R3HCC1L: variants seen among roughly 807,000 people sequenced by gnomAD.
R3HCC1L encodes the protein coiled-coil domain-containing protein R3HCC1L.
A neutral mutation model predicts 59.9 loss-of-function variants in R3HCC1L; 51 were observed. The ratio of observed to expected loss-of-function variants is 0.85; its 90% CI spans 0.68 to 1.07. The LOEUF (loss-of-function observed/expected upper bound fraction) is 1.07. Ranked by LOEUF, R3HCC1L falls within the 50% of genes least tolerant of loss-of-function variation. R3HCC1L has a pLI of 0.00. For synonymous variants in R3HCC1L, 322 were observed against 315.2 expected (o/e 1.02, Z -0.23); for missense variants, 965 against 933.0 (o/e 1.03, Z -0.45).
At chr10:98,138,857 A>G (rs554280084) in intron 1 of R3HCC1L, among the ~76,000 whole-genome samples, 2 of 152,338 alleles carry the variant, frequency 1.3e-5, no homozygotes, top group South Asian at 4.1e-4. Context: ...AAGACAGATT[A>G]GACTAACCCT....
chr10:98,235,340 C>A, intron 7 of R3HCC1L, 85 bp from the exon 8 acceptor site: 1 of 1,132,048 alleles, frequency 8.8e-7, no homozygotes, highest in Non-Finnish European at 1.3e-6. Context: ...AGCATAACAT[C>A]TAGGAAATAC....
chr10:98,234,148 A>G (rs1036953909), intron 6 of R3HCC1L, among the ~76,000 whole-genome samples: 6 of 152,162 alleles, frequency 3.9e-5, no homozygotes, highest in Admixed American at 6.5e-5. Flanking sequence ...TCTCTTGTAA[A>G]TAGTGCATTA....
intron 1 of R3HCC1L, among the ~76,000 whole-genome samples, chr10:98,137,532 T>A (rs1844718765): frequency 6.6e-6 from 1 of 152,244 alleles, no homozygotes; most frequent in Non-Finnish European, 1.5e-5. Context: ...AGGATAGTCA[T>A]CCTTAATTCA....
At chr10:98,186,464 C>T in intron 4 of R3HCC1L, 1 of 961,598 alleles carries the variant, frequency 1.0e-6, no homozygotes, top group Non-Finnish European at 1.2e-6. Flanking sequence ...TTGTTTTTTC[C>T]AGATGGTTTT....
At chr10:98,140,401 C>CA (rs1845024955) in intron 1 of R3HCC1L, among the ~76,000 whole-genome samples, 1 of 152,042 alleles carries the variant, frequency 6.6e-6, no homozygotes, top group Non-Finnish European at 1.5e-5. Flanking sequence ...GAGAGGAGCT[C>CA]AAAGACACCT....
chr10:98,222,527 A>T (rs1855133982), intron 5 of R3HCC1L, among the ~76,000 whole-genome samples: 1 of 151,972 alleles, frequency 6.6e-6, no homozygotes, highest in Non-Finnish European at 1.5e-5. Context: ...TGTCATAGAT[A>T]GCTCTTATTA....
intron 5 of R3HCC1L, among the ~76,000 whole-genome samples, chr10:98,221,315 C>G (rs1404572310): frequency 1.3e-5 from 2 of 150,340 alleles, no homozygotes; most frequent in African/African-American, 4.9e-5. Flanking sequence ...AAAATTTTCT[C>G]CCATTTTGTA....
chr10:98,224,748 GA>G (rs1392606261), intron 5 of R3HCC1L, among the ~76,000 whole-genome samples: 3 of 152,196 alleles, frequency 2.0e-5, no homozygotes, highest in Non-Finnish European at 4.4e-5. Context: ...CAGAATGAAT[GA>G]AATTCTAAAC....
intron 4 of R3HCC1L, among the ~76,000 whole-genome samples, chr10:98,183,432 T>G (rs944550142): frequency 1.3e-5 from 2 of 151,866 alleles, no homozygotes; most frequent in African/African-American, 2.4e-5. Context: ...ATTGTGGATT[T>G]TTGTTGTTGT....
intron 4 of R3HCC1L, among the ~76,000 whole-genome samples, chr10:98,194,261 G>C (rs1443621643): frequency 6.6e-6 from 1 of 152,048 alleles, no homozygotes; most frequent in African/African-American, 2.4e-5. Context: ...ATCGTGTTGG[G>C]AAAACTGGAT....
At chr10:98,218,254 T>C (rs1018557577) in intron 5 of R3HCC1L, among the ~76,000 whole-genome samples, 6 of 152,164 alleles carry the variant, frequency 3.9e-5, no homozygotes, top group East Asian at 3.8e-4. Flanking sequence ...TTTCTGTATC[T>C]GTTGAGATGT....
chr10:98,228,167 C>A (rs1399944286), intron 5 of R3HCC1L, among the ~76,000 whole-genome samples: 3 of 152,184 alleles, frequency 2.0e-5, no homozygotes, highest in Non-Finnish European at 4.4e-5. Flanking sequence ...CACTGTCTTC[C>A]ACAATGGTTG....
At chr10:98,146,920 A>G (rs1004645199) in intron 1 of R3HCC1L, among the ~76,000 whole-genome samples, 9 of 152,180 alleles carry the variant, frequency 5.9e-5, no homozygotes, top group African/African-American at 2.2e-4. Flanking sequence ...TTGGATATAT[A>G]TCCAGTAGTG....
chr10:98,145,606 T>C (rs536403449), intron 1 of R3HCC1L, among the ~76,000 whole-genome samples: 1 of 152,312 alleles, frequency 6.6e-6, no homozygotes, highest in South Asian at 2.1e-4. Flanking sequence ...AAATAAATGT[T>C]CTTTGGAATT....
chr10:98,232,449 T>A (rs11189521), intron 6 of R3HCC1L, among the ~76,000 whole-genome samples: 48,806 of 152,064 alleles, frequency 0.32, 8,016 homozygotes, highest in East Asian at 0.48. Flanking sequence ...GTATAGCTGA[T>A]ACTTATATAG....
chr10:98,164,090 G>T (rs17522956), intron 4 of R3HCC1L, among the ~76,000 whole-genome samples: 4,533 of 152,206 alleles, frequency 0.03, 106 homozygotes, highest in Non-Finnish European at 0.046. Context: ...GATGTGCAGG[G>T]TGATAGCTTT....
At chr10:98,177,958 C>T (rs187622448) in intron 4 of R3HCC1L, among the ~76,000 whole-genome samples, 20 of 152,160 alleles carry the variant, frequency 1.3e-4, no homozygotes, top group African/African-American at 4.6e-4. Context: ...GATATTAGCC[C>T]TTTGTCAGAT....
chr10:98,228,312 T>C (rs1855923421), intron 5 of R3HCC1L, among the ~76,000 whole-genome samples: 1 of 152,248 alleles, frequency 6.6e-6, no homozygotes, highest in African/African-American at 2.4e-5. Flanking sequence ...GTGGTTTTGA[T>C]TTGCATTTCT....
chr10:98,136,714 G>C (rs1844621173), intron 1 of R3HCC1L, among the ~76,000 whole-genome samples: 1 of 152,168 alleles, frequency 6.6e-6, no homozygotes, highest in African/African-American at 2.4e-5. Flanking sequence ...GTGCACGCCT[G>C]TAGTCCCAGC....
Sources: gnomAD v4.1 joint callset for allele counts (sites outside exome capture counted in the v4.1 genomes callset) on GRCh38, gnomAD v4.1.1 for gene constraint, MANE v1.5 for transcripts, NCBI Gene and HGNC (gene_info 2026-07-23, HGNC 2026-07-21) for gene names.